The following TMEM132D variants were observed in gnomAD, a reference collection of about 807,000 sequenced individuals.
TMEM132D encodes mature OL transmembrane protein.
A neutral mutation model predicts 62.3 loss-of-function variants in TMEM132D; 21 were observed. The ratio of observed to expected loss-of-function variants is 0.34; its 90% CI spans 0.24 to 0.49. The LOEUF (loss-of-function observed/expected upper bound fraction) is 0.49, where lower values mean the gene tolerates loss of function less well. TMEM132D is among the 20% of genes least tolerant of loss of function. TMEM132D has a pLI of 0.99. For missense variants in TMEM132D, 1,346 were observed against 1,402.8 expected, an observed-to-expected ratio of 0.96 and a Z score of 0.65; for synonymous variants, 621 against 575.6, an observed-to-expected ratio of 1.08 and a Z score of -1.13.
intron 2 of TMEM132D, among the ~76,000 whole-genome samples, chr12:129,690,225 C>A (rs1209862812): frequency 2.0e-5 from 3 of 151,766 alleles, no homozygotes; most frequent in South Asian, 2.1e-4. Flanking sequence ...AATCAGTACA[C>A]CAAGAGAGGA....
chr12:129,576,198 T>G (rs1020999838), intron 2 of TMEM132D, among the ~76,000 whole-genome samples: 1 of 151,950 alleles, frequency 6.6e-6, no homozygotes, highest in Non-Finnish European at 1.5e-5. Flanking sequence ...ACTGACCATC[T>G]CCGCGATAAT....
intron 1 of TMEM132D, among the ~76,000 whole-genome samples, chr12:129,894,582 T>C (rs1875041397): frequency 6.6e-6 from 1 of 152,224 alleles, no homozygotes. Flanking sequence ...AGAGTCCTGA[T>C]GGTGTGGAGT....
At chr12:129,082,198 C>CA (rs1874477045) in intron 6 of TMEM132D, among the ~76,000 whole-genome samples, 166 bp from the exon 7 acceptor site, 1 of 152,166 alleles carries the variant, frequency 6.6e-6, no homozygotes, top group East Asian at 1.9e-4. Context: ...ACTGCTCTGG[C>CA]ATGAGCACTG....
At chr12:129,596,039 G>T (rs1026845657) in intron 2 of TMEM132D, among the ~76,000 whole-genome samples, 15 of 152,254 alleles carry the variant, frequency 9.9e-5, no homozygotes, top group African/African-American at 3.4e-4. Context: ...AGAGTTTGAA[G>T]AATAGGCAGC....
At chr12:129,435,599 C>T (rs1488451759) in intron 3 of TMEM132D, among the ~76,000 whole-genome samples, 1 of 152,132 alleles carries the variant, frequency 6.6e-6, no homozygotes, top group East Asian at 1.9e-4. Context: ...TGCTTGCCAC[C>T]TCCAGCAAAG....
intron 3 of TMEM132D, among the ~76,000 whole-genome samples, chr12:129,402,459 C>T (rs1871651081): frequency 6.6e-6 from 1 of 152,196 alleles, no homozygotes; most frequent in South Asian, 2.1e-4. Flanking sequence ...GGATGGGTCA[C>T]TGCACTGTAC....
chr12:129,268,063 C>A (rs1012179508), intron 4 of TMEM132D, among the ~76,000 whole-genome samples: 1 of 152,154 alleles, frequency 6.6e-6, no homozygotes, highest in Non-Finnish European at 1.5e-5. Flanking sequence ...ACATGTTAGA[C>A]CTAAAACCAT....
chr12:129,371,139 A>G lies in TMEM132D; in HGVS notation c.1116-33322T>C, dbSNP rs1035085036. Among the ~76,000 whole-genome samples, 2 of 152,238 alleles carry G rather than the reference A, an allele frequency of 1.3e-5. No individual in the cohort carries two copies. The highest frequency in any genetic ancestry group is 2.1e-4 in the South Asian group (1 of 4,830). ...AGGTACCACCAAAATATGTACAACT[A>G]TGACAAATCAATAAAAAAGTACAAA... On this transcript the variant is annotated intron_variant, in intron 3 of 8. Coordinates refer to ENST00000422113, the MANE Select transcript of TMEM132D (RefSeq NM_133448.3). The surrounding 1 kb of genome is among the most constrained non-coding windows in gnomAD (Gnocchi z 4.3).
At chr12:129,508,830 T>A (rs1210336742) in intron 3 of TMEM132D, among the ~76,000 whole-genome samples, 1 of 152,054 alleles carries the variant, frequency 6.6e-6, no homozygotes, top group African/African-American at 2.4e-5. Context: ...AAAATTGCAG[T>A]GTGATTTCTC....
intron 3 of TMEM132D, among the ~76,000 whole-genome samples, chr12:129,486,154 C>T (rs925078109): frequency 6.6e-6 from 1 of 152,242 alleles, no homozygotes; most frequent in African/African-American, 2.4e-5. Context: ...TCCTCTTCCT[C>T]ACTCCCAGGA....
intron 1 of TMEM132D, among the ~76,000 whole-genome samples, chr12:129,739,962 G>A (rs1869547905): frequency 3.3e-5 from 5 of 152,100 alleles, no homozygotes; most frequent in Admixed American, 3.3e-4. Flanking sequence ...TTGTCTTAAT[G>A]ATCATATCTC....
chr12:129,749,640 CT>C (rs943375320), intron 1 of TMEM132D, among the ~76,000 whole-genome samples: 13 of 145,994 alleles, frequency 8.9e-5, no homozygotes, highest in African/African-American at 3.0e-4. Flanking sequence ...TTTGTGTGTA[CT>C]TTTAGTAGAG....
At chr12:129,291,189 T>A (rs1881437352) in intron 4 of TMEM132D, among the ~76,000 whole-genome samples, 1 of 152,142 alleles carries the variant, frequency 6.6e-6, no homozygotes, top group East Asian at 1.9e-4. Context: ...TCTGCAGGAT[T>A]TATTCTATTT....
At position 129,226,806 on chromosome 12, in the gene TMEM132D, C is replaced by T. The variant is rs1449030689; in HGVS notation, c.1300-17143G>A. ...TGTGACTTCATTAGGAACTCTTGCC[C>T]TGCTGTCTGGACTCAGCAACGAGGT... On this transcript the variant is annotated intron_variant, in intron 4 of 8. Coordinates refer to ENST00000422113, the MANE Select transcript of TMEM132D (RefSeq NM_133448.3). Among the ~76,000 whole-genome samples the T allele has an allele frequency of 5.9e-4, 90 of 152,148 alleles. 1 individual carries two copies. Among genetic ancestry groups the T allele is most frequent in the Non-Finnish European group, 2.9e-5 (2 of 68,018 alleles).
intron 3 of TMEM132D, among the ~76,000 whole-genome samples, chr12:129,434,969 C>A (rs1170285798): frequency 6.6e-6 from 1 of 152,132 alleles, no homozygotes; most frequent in African/African-American, 2.4e-5. Flanking sequence ...ATCCCCCAGC[C>A]CCAGTACCCT....
At chr12:129,251,560 C>T (rs1187819854) in intron 4 of TMEM132D, among the ~76,000 whole-genome samples, 1 of 152,046 alleles carries the variant, frequency 6.6e-6, no homozygotes, top group African/African-American at 2.4e-5. Flanking sequence ...CTTTAAAGCT[C>T]GTTCAAATTT....
At chr12:129,284,246 A>G (rs149761065) in intron 4 of TMEM132D, among the ~76,000 whole-genome samples, 1 of 152,368 alleles carries the variant, frequency 6.6e-6, no homozygotes, top group Non-Finnish European at 1.5e-5. Flanking sequence ...CATCCACATC[A>G]GGCCTTTAGA....
intron 3 of TMEM132D, among the ~76,000 whole-genome samples, chr12:129,437,462 A>ATTTT (rs1872817104): frequency 6.6e-6 from 1 of 152,228 alleles, no homozygotes; most frequent in South Asian, 2.1e-4. Flanking sequence ...AGTATGAATG[A>ATTTT]ACGGGCATGG....
intron 1 of TMEM132D, among the ~76,000 whole-genome samples, chr12:129,757,349 T>C (rs1457387755): frequency 6.6e-6 from 1 of 152,182 alleles, no homozygotes; most frequent in East Asian, 1.9e-4. Flanking sequence ...ATCTCATGTA[T>C]TTGCAGAGGG....
Sources: gnomAD v4.1 joint callset for allele counts (sites outside exome capture counted in the v4.1 genomes callset) on GRCh38, gnomAD v4.1.1 for gene constraint, Gnocchi (gnomAD v3.1) non-coding constraint, MANE v1.5 for transcripts, NCBI Gene and HGNC (gene_info 2026-07-23, HGNC 2026-07-21) for gene names.